Variants in LRRC37A2 observed in about 807,000 individuals in gnomAD.
The protein encoded by LRRC37A2 is leucine-rich repeat-containing protein 37A2.
In LRRC37A2, 9 loss-of-function variants were observed where a neutral mutation model predicts 68.8. That is an observed-to-expected ratio of 0.13 (90% CI 0.08 to 0.23). LRRC37A2 has a LOEUF of 0.23. Ranked by LOEUF, LRRC37A2 falls within the 10% of genes least tolerant of loss-of-function variation. The probability of loss-of-function intolerance (pLI) is 1.00; values close to 1 mark genes in which losing one functional copy is unlikely to be tolerated. For synonymous variants in LRRC37A2, 63 were observed against 367.6 expected (o/e 0.17, Z 9.48); for missense variants, 168 against 950.4 (o/e 0.18, Z 10.82).
the LRRC37A2 span, among the ~76,000 whole-genome samples, chr17:46,747,803 G>T: frequency 2.0e-5 from 3 of 152,154 alleles, no homozygotes; most frequent in African/African-American, 7.2e-5. Context: ...CAACTAAGAG[G>T]TTCCCAGTGG....
At chr17:46,541,857 T>G (rs2941981) in intron 8 of LRRC37A2, among the ~76,000 whole-genome samples, 3 of 150,708 alleles carry the variant, frequency 2.0e-5, no homozygotes, top group Admixed American at 1.3e-4. Context: ...GACTTTGGTA[T>G]CTGCAGGGGG....
chr17:46,713,841 A>G, the LRRC37A2 span: 1 of 1,606,818 alleles, frequency 6.2e-7, no homozygotes, highest in Non-Finnish European at 8.5e-7. Context: ...ACTTGCTCAT[A>G]TCTTTATGCA....
chr17:46,744,807 A>G, the LRRC37A2 span, among the ~76,000 whole-genome samples: 9 of 152,182 alleles, frequency 5.9e-5, no homozygotes, highest in African/African-American at 1.9e-4. Context: ...TGAAGGATCA[A>G]CACCTGACTG....
the LRRC37A2 span, among the ~76,000 whole-genome samples, chr17:46,805,520 C>T: frequency 1.3e-5 from 2 of 152,096 alleles, no homozygotes; most frequent in African/African-American, 2.4e-5. Flanking sequence ...TTGCAGTGAG[C>T]CAAGATCTTG....
At chr17:46,784,804 C>G in the LRRC37A2 span, among the ~76,000 whole-genome samples, 1 of 145,800 alleles carries the variant, frequency 6.9e-6, no homozygotes, top group Non-Finnish European at 1.5e-5. Context: ...GAGATGGAGT[C>G]TCGCTCTGTC....
chr17:46,753,455 T>A, the LRRC37A2 span, among the ~76,000 whole-genome samples: 1 of 152,244 alleles, frequency 6.6e-6, no homozygotes. Context: ...TTAATTTATT[T>A]TCCATTATGA....
the LRRC37A2 span, among the ~76,000 whole-genome samples, chr17:46,925,710 A>C: frequency 6.6e-6 from 1 of 152,142 alleles, no homozygotes; most frequent in Non-Finnish European, 1.5e-5. Flanking sequence ...CAGTAGCTGA[A>C]CTTATTAATT....
chr17:46,816,678 A>G, the LRRC37A2 span, among the ~76,000 whole-genome samples: 76 of 148,184 alleles, frequency 5.1e-4, no homozygotes, highest in African/African-American at 1.9e-3. Context: ...CCAAGATACC[A>G]TTTCACACCA....
At chr17:46,732,362 C>T in the LRRC37A2 span, among the ~76,000 whole-genome samples, 1 of 151,440 alleles carries the variant, frequency 6.6e-6, no homozygotes, top group East Asian at 1.9e-4. Flanking sequence ...CCCCCACCAC[C>T]CCCTCCCTTC....
the LRRC37A2 span, among the ~76,000 whole-genome samples, chr17:46,866,441 T>C: frequency 3.5e-3 from 538 of 151,970 alleles, 3 homozygotes; most frequent in African/African-American, 0.012. Context: ...TGTGTATGAA[T>C]GTGGATGTGT....
chr17:46,713,551 C>A, the LRRC37A2 span, among the ~76,000 whole-genome samples: 1 of 152,108 alleles, frequency 6.6e-6, no homozygotes, highest in Non-Finnish European at 1.5e-5. Flanking sequence ...CATTTGAATG[C>A]GTTCTTTTAA....
At chr17:46,737,576 T>C in the LRRC37A2 span, among the ~76,000 whole-genome samples, 22 of 65,448 alleles carry the variant, frequency 3.4e-4, no homozygotes, top group Middle Eastern at 0.016. Context: ...TGTGTGCGTG[T>C]GTGTGTGTGT....
the LRRC37A2 span, among the ~76,000 whole-genome samples, chr17:46,451,249 C>T: frequency 3.7e-5 from 1 of 27,038 alleles, no homozygotes; most frequent in Admixed American, 3.1e-4. Flanking sequence ...AGATTAAGGC[C>T]TCAAACTTTG....
At chr17:46,885,034 G>T in the LRRC37A2 span, 2 of 438,736 alleles carry the variant, frequency 4.6e-6, no homozygotes, top group South Asian at 3.3e-5. Flanking sequence ...TGTTGCGCAG[G>T]TTGGAGTGCA....
the LRRC37A2 span, among the ~76,000 whole-genome samples, chr17:46,787,704 G>A: frequency 4.6e-5 from 7 of 152,136 alleles, no homozygotes; most frequent in East Asian, 1.9e-4. Context: ...CTGTATTCCC[G>A]GCACTTTGGG....
At chr17:46,553,184 TG>T (rs1206477129) in intron 11 of LRRC37A2, 1 of 813,814 alleles carries the variant, frequency 1.2e-6, no homozygotes, top group African/African-American at 2.4e-5. Flanking sequence ...TGGTATGGTG[TG>T]GGGGCGGTAT....
the LRRC37A2 span, among the ~76,000 whole-genome samples, chr17:46,743,397 T>A: frequency 6.6e-6 from 1 of 152,214 alleles, no homozygotes; most frequent in Admixed American, 6.5e-5. Flanking sequence ...CTGACTGTGA[T>A]GACAGAGACC....
chr17:46,924,019 A>G, the LRRC37A2 span, among the ~76,000 whole-genome samples: 1 of 152,206 alleles, frequency 6.6e-6, no homozygotes, highest in Non-Finnish European at 1.5e-5. Flanking sequence ...ACAATTTTTA[A>G]GTGTACAATT....
chr17:46,900,697 A>G, the LRRC37A2 span, among the ~76,000 whole-genome samples: 1 of 152,222 alleles, frequency 6.6e-6, no homozygotes, highest in Admixed American at 6.5e-5. Context: ...GTACAGTACA[A>G]GGTAGGGTGG....
Sources: gnomAD v4.1 joint callset for allele counts (sites outside exome capture counted in the v4.1 genomes callset) on GRCh38, gnomAD v4.1.1 for gene constraint, MANE v1.5 for transcripts, NCBI Gene and HGNC (gene_info 2026-07-23, HGNC 2026-07-21) for gene names.